THRA: variants seen among roughly 807,000 people sequenced by gnomAD.
THRA encodes the protein thyroid hormone receptor alpha.
THRA carries 13 observed loss-of-function variants against 45.0 expected under a neutral mutation model. The observed-to-expected ratio is 0.29, with a 90% CI of 0.19 to 0.46. The LOEUF (loss-of-function observed/expected upper bound fraction) is 0.46, where lower values mean the gene tolerates loss of function less well. THRA is among the 20% of genes least tolerant of loss of function. THRA has a pLI of 1.00. For synonymous variants in THRA, 195 were observed against 214.0 expected, an observed-to-expected ratio of 0.91 and a Z score of 0.78; for missense variants, 278 against 556.1, an observed-to-expected ratio of 0.50 and a Z score of 5.03.
chr17:40,092,271 G>C lies in THRA; in HGVS notation c.*2815G>C, dbSNP rs915099677. On this transcript the variant is annotated 3_prime_UTR_variant, in exon 9 of 9. Transcript: ENST00000450525. Reference sequence around the variant, plus strand: ...AGAGGGCAGGGCGTTGTGAGAGAGAGACCGTCCATAAGGAGGACAGTAACT... The same window carrying C: ...AGAGGGCAGGGCGTTGTGAGAGAGACACCGTCCATAAGGAGGACAGTAACT... 9 of 147,752 alleles carry C rather than the reference G, an allele frequency of 6.1e-5. No individual in the cohort carries two copies. The highest frequency in any genetic ancestry group is 2.0e-4 in the African/African-American group (8 of 40,528). The allele number at this position is 147,752 out of a possible 1,614,324, so 9.2% of individuals were successfully genotyped here.
At chr17:40,064,756 C>T (rs1284572834) in intron 1 of THRA, among the ~76,000 whole-genome samples, 2 of 152,200 alleles carry the variant, frequency 1.3e-5, no homozygotes, top group African/African-American at 2.4e-5. Flanking sequence ...GAGCCTAGCA[C>T]AAGGGCTGCT....
chr17:40,084,536 A>T (rs1294544668), intron 5 of THRA, 74 bp from the exon 6 acceptor site: 14 of 1,535,108 alleles, frequency 9.1e-6, no homozygotes, highest in Non-Finnish European at 1.3e-5. Flanking sequence ...CTCTAGGAAG[A>T]GTAGTTTCCG....
chr17:40,079,668 C>T (rs1014799912), intron 4 of THRA, among the ~76,000 whole-genome samples: 4 of 152,110 alleles, frequency 2.6e-5, no homozygotes, highest in Non-Finnish European at 5.9e-5. Flanking sequence ...GTTACCACAC[C>T]CGGTGGCACT....
chr17:40,093,033 A>G, downstream of THRA: 1 of 1,613,130 alleles, frequency 6.2e-7, no homozygotes, highest in Non-Finnish European at 8.5e-7. This position sits in a 1 kb window ranked among gnomAD's most constrained non-coding sequence, Gnocchi z 5.9. Flanking sequence ...AGAGAAGTGC[A>G]GAGTTCGATT....
Position 40,077,663 on chromosome 17 carries a change from CTA to C in THRA, c.222+57_222+58del, listed in dbSNP as rs1002097069. 32 of 1,421,724 alleles carry C rather than the reference CTA, an allele frequency of 2.3e-5. No homozygotes were observed. The African/African-American group carries it at 3.5e-4, about 16-fold the overall frequency. 88.1% of individuals were successfully genotyped at this position (1,421,724 alleles called of 1,614,324 possible). A position where few individuals can be genotyped will look rare whatever the true frequency, so the allele number is the denominator to read the frequency against. ...GCCACCTGAGCCCCCATATTACTCC[CTA>C]TGTCACCTAAAGCCCGCCTGTTAGG... On this transcript the variant is annotated intron_variant, in intron 4 of 8. Transcript: ENST00000450525.
At chr17:40,082,929 G>C (rs12939378) in intron 4 of THRA, among the ~76,000 whole-genome samples, 148,643 of 148,658 alleles carry the variant, frequency 1, 74,314 homozygotes, top group Middle Eastern at 1. Flanking sequence ...CCACGCCCGG[G>C]TAATTTTTTT....
chr17:40,082,718 T>G (rs779559285), intron 4 of THRA, among the ~76,000 whole-genome samples: 3 of 146,440 alleles, frequency 2.0e-5, no homozygotes, highest in Non-Finnish European at 4.5e-5. Flanking sequence ...CTTCTGCATG[T>G]AAAGCAGATG....
chr17:40,084,553 T>G, intron 5 of THRA, 57 bp from the exon 6 acceptor site: 2 of 1,575,288 alleles, frequency 1.3e-6, no homozygotes, highest in Non-Finnish European at 1.7e-6. Context: ...TCCGGGAGCA[T>G]TATGGAAAGG....
At chr17:40,074,995 T>C (rs1338157266) in intron 2 of THRA, among the ~76,000 whole-genome samples, 2 of 152,274 alleles carry the variant, frequency 1.3e-5, no homozygotes, top group Non-Finnish European at 2.9e-5. Flanking sequence ...CTATTGGTCA[T>C]AGCCCAAGCT....
intron 6 of THRA, 117 bp from the exon 7 acceptor site, chr17:40,086,590 G>A (rs1216704858): frequency 2.3e-6 from 3 of 1,328,488 alleles, no homozygotes; most frequent in Non-Finnish European, 3.0e-6. Flanking sequence ...CTGGGACTCA[G>A]GCACGGGCGG....
chr17:40,076,994 C>T (rs552868450), intron 3 of THRA, 56 bp downstream of exon 3: 2 of 1,563,510 alleles, frequency 1.3e-6, no homozygotes, highest in South Asian at 1.1e-5. Flanking sequence ...CAAACCCAGC[C>T]AGGGCTCCTC....
At chr17:40,080,097 CAG>C (rs1183584962) in intron 4 of THRA, among the ~76,000 whole-genome samples, 5 of 150,142 alleles carry the variant, frequency 3.3e-5, no homozygotes, top group Admixed American at 1.3e-4. Flanking sequence ...AAAAAAGAAA[CAG>C]AATGATTTAT....
intron 1 of THRA, among the ~76,000 whole-genome samples, chr17:40,068,708 T>C (rs536190875): frequency 2.0e-5 from 3 of 152,134 alleles, no homozygotes; most frequent in Non-Finnish European, 4.4e-5. Flanking sequence ...AAGAGCAGAA[T>C]GATTGGACCA....
chr17:40,088,008 G>A lies in THRA; in HGVS notation c.724-234G>A, dbSNP rs374066940. On this transcript the variant is annotated intron_variant, in intron 7 of 8. Transcript: ENST00000450525. ...ACTCCTGACCTCAAGTGATCCACCC[G>A]CCTTGGCCTCCCATAGTGCTGGCAT... 5.3e-5 allele frequency among the ~76,000 whole-genome samples: 8 copies of A among 152,284 alleles called. No individual in the cohort carries two copies. In the East Asian group the frequency reaches 7.7e-4, roughly 15 times the overall value.
At chr17:40,069,704 G>A (rs1397284756) in intron 1 of THRA, among the ~76,000 whole-genome samples, 1 of 152,098 alleles carries the variant, frequency 6.6e-6, no homozygotes, top group African/African-American at 2.4e-5. Flanking sequence ...TGGGCAGGGG[G>A]GGCGTGAAGT....
chr17:40,071,957 T>C (rs1986792168), intron 1 of THRA: 1 of 152,128 alleles, frequency 6.6e-6, no homozygotes, highest in Non-Finnish European at 1.5e-5. Context: ...CTCTGCCCAC[T>C]ACCAGGGGCT....
At chr17:40,086,975 A>G (rs571911133) in intron 7 of THRA, 122 bp downstream of exon 7, 2 of 1,330,472 alleles carry the variant, frequency 1.5e-6, no homozygotes, top group Non-Finnish European at 2.1e-6. Flanking sequence ...AGGTCAACAT[A>G]CACAGATAAC....
chr17:40,088,858 C>T (rs908026184), intron 8 of THRA, among the ~76,000 whole-genome samples: 1 of 151,578 alleles, frequency 6.6e-6, no homozygotes, highest in African/African-American at 2.4e-5. Context: ...TCTTACCCCT[C>T]AGTCCCCTCC....
intron 1 of THRA, among the ~76,000 whole-genome samples, chr17:40,073,963 C>A (rs1319578123): frequency 6.6e-6 from 1 of 152,072 alleles, no homozygotes; most frequent in African/African-American, 2.4e-5. Flanking sequence ...TGATCTCATT[C>A]TCTCCCTCCA....
Sources: gnomAD v4.1 joint callset for allele counts (sites outside exome capture counted in the v4.1 genomes callset) on GRCh38, gnomAD v4.1.1 for gene constraint, Gnocchi (gnomAD v3.1) non-coding constraint, MANE v1.5 for transcripts, NCBI Gene and HGNC (gene_info 2026-07-23, HGNC 2026-07-21) for gene names.